NEDD4L: variants seen among roughly 807,000 people sequenced by gnomAD.
NEDD4L encodes NEDD4 like E3 ubiquitin protein ligase, also known as E3 ubiquitin-protein ligase NEDD4-like.
A neutral mutation model predicts 148.9 loss-of-function variants in NEDD4L; 54 were observed. The observed-to-expected ratio is 0.36, with a 90% CI of 0.29 to 0.45. The LOEUF is 0.45. Ranked by LOEUF, NEDD4L falls within the 20% of genes least tolerant of loss-of-function variation. The pLI, the probability that NEDD4L is intolerant of heterozygous loss-of-function variation, is 1.00. For missense variants in NEDD4L, 856 were observed against 1,233.8 expected, an observed-to-expected ratio of 0.69 and a Z score of 4.59; for synonymous variants, 433 against 440.7, an observed-to-expected ratio of 0.98 and a Z score of 0.22.
intron 1 of NEDD4L, among the ~76,000 whole-genome samples, chr18:58,084,036 C>CT (rs34001228): frequency 6.6e-6 from 1 of 151,878 alleles, no homozygotes; most frequent in South Asian, 2.1e-4. Context: ...CGGCCCAAAG[C>CT]TTTTTTTTAA....
intron 1 of NEDD4L, chr18:58,149,542 C>G: frequency 6.4e-7 from 1 of 1,550,514 alleles, no homozygotes; most frequent in Non-Finnish European, 8.7e-7. Flanking sequence ...CTAAATGAGA[C>G]GTCTCGCATT....
At chr18:58,221,135 GTGT>G (rs1174369146) in intron 2 of NEDD4L, among the ~76,000 whole-genome samples, 5 of 152,172 alleles carry the variant, frequency 3.3e-5, no homozygotes, top group African/African-American at 1.2e-4. Flanking sequence ...CCAGGAAGTT[GTGT>G]TCCCATCTGC....
At chr18:58,286,767 T>C (rs964086833) in intron 5 of NEDD4L, among the ~76,000 whole-genome samples, 1 of 152,218 alleles carries the variant, frequency 6.6e-6, no homozygotes, top group African/African-American at 2.4e-5. Context: ...TAATTGAATA[T>C]TAAACACCAG....
intron 1 of NEDD4L, among the ~76,000 whole-genome samples, chr18:58,126,760 C>G (rs547811286): frequency 6.6e-6 from 1 of 152,340 alleles, no homozygotes; most frequent in African/African-American, 2.4e-5. Context: ...CATATCCTCC[C>G]CAGCAGTCGG....
At chr18:58,288,125 T>G (rs1289858659) in intron 5 of NEDD4L, among the ~76,000 whole-genome samples, 1 of 152,194 alleles carries the variant, frequency 6.6e-6, no homozygotes, top group African/African-American at 2.4e-5. Context: ...CAGAAAAATT[T>G]GATAGCAGGC....
At chr18:58,203,509 G>A (rs758251730) in intron 2 of NEDD4L, among the ~76,000 whole-genome samples, 4 of 152,152 alleles carry the variant, frequency 2.6e-5, no homozygotes, top group African/African-American at 7.2e-5. Flanking sequence ...AGTGATGAGA[G>A]CTAGTACACT....
chr18:58,360,790 G>A (rs2045370547), intron 19 of NEDD4L, among the ~76,000 whole-genome samples: 2 of 151,854 alleles, frequency 1.3e-5, no homozygotes, highest in Admixed American at 1.3e-4. Context: ...ATGCAAGAGG[G>A]AGAGAGAGAG....
chr18:58,089,470 G>A (rs1480595823), intron 1 of NEDD4L, among the ~76,000 whole-genome samples: 1 of 152,082 alleles, frequency 6.6e-6, no homozygotes, highest in Non-Finnish European at 1.5e-5. Context: ...AGAAAGAATT[G>A]GCTGGGGCAC....
chr18:58,169,672 C>T (rs776032847), intron 2 of NEDD4L, among the ~76,000 whole-genome samples: 4 of 152,252 alleles, frequency 2.6e-5, no homozygotes, highest in African/African-American at 9.6e-5. Flanking sequence ...CCACGTGGGG[C>T]GGCCACAGCT....
chr18:58,098,996 G>A (rs1487597611), intron 1 of NEDD4L, among the ~76,000 whole-genome samples: 4 of 152,152 alleles, frequency 2.6e-5, no homozygotes, highest in Non-Finnish European at 4.4e-5. Flanking sequence ...GTCATGACGA[G>A]TTTTACTTGC....
At chr18:58,150,278 A>G (rs922508086) in intron 1 of NEDD4L, among the ~76,000 whole-genome samples, 15 of 152,204 alleles carry the variant, frequency 9.9e-5, no homozygotes, top group Non-Finnish European at 4.4e-5. Flanking sequence ...CTTGTTGCCT[A>G]GGCTGGAGTG....
intron 1 of NEDD4L, among the ~76,000 whole-genome samples, chr18:58,123,533 G>T (rs2030396311): frequency 6.6e-6 from 1 of 152,048 alleles, no homozygotes; most frequent in Admixed American, 6.6e-5. Flanking sequence ...CCCCGCCCCG[G>T]TTGGACACCC....
intron 2 of NEDD4L, chr18:58,227,888 T>A (rs2044563888): frequency 1.0e-6 from 1 of 979,618 alleles, no homozygotes; most frequent in Admixed American, 6.2e-5. Context: ...AATAACCAAG[T>A]GTGAGTCTGA....
At chr18:58,098,793 C>T (rs1431872552) in intron 1 of NEDD4L, among the ~76,000 whole-genome samples, 1 of 152,178 alleles carries the variant, frequency 6.6e-6, no homozygotes, top group Admixed American at 6.5e-5. Flanking sequence ...AGTGGTGGCT[C>T]ACAGTCATCA....
chr18:58,135,606 A>C (rs1424163345), intron 1 of NEDD4L, among the ~76,000 whole-genome samples: 2 of 152,248 alleles, frequency 1.3e-5, no homozygotes, highest in Non-Finnish European at 2.9e-5. Context: ...CAGTCTGCAG[A>C]AACTAACCTT....
At chr18:58,342,676 T>G (rs553148614) in intron 15 of NEDD4L, among the ~76,000 whole-genome samples, 31 of 152,358 alleles carry the variant, frequency 2.0e-4, no homozygotes, top group African/African-American at 6.5e-4. Context: ...ACATACTGAG[T>G]AGCTACCAAA....
chr18:58,105,641 A>T (rs2085025689), intron 1 of NEDD4L, among the ~76,000 whole-genome samples: 1 of 151,970 alleles, frequency 6.6e-6, no homozygotes, highest in South Asian at 2.1e-4. Flanking sequence ...TCTCTTATTT[A>T]TATTGTGAAA....
At position 58,214,173 on chromosome 18, in the gene NEDD4L, C is replaced by G. The variant is rs977110842; in HGVS notation, c.123-31254C>G. Among the ~76,000 whole-genome samples, 4 of 152,290 alleles carry G rather than the reference C, an allele frequency of 2.6e-5. No individual in the cohort carries two copies. The South Asian group carries it at 8.3e-4, about 32-fold the overall frequency. On this transcript the variant is annotated intron_variant, in intron 2 of 30. Transcript: ENST00000400345. ...TCCTGATAAATCACCTGATCGCTGC[C>G]CCAGGGTTAGTCACTCTAGCCCCCT...
intron 16 of NEDD4L, among the ~76,000 whole-genome samples, chr18:58,343,768 G>A (rs12958178): frequency 0.077 from 11,656 of 152,250 alleles, 582 homozygotes; most frequent in Non-Finnish European, 0.11. Flanking sequence ...TTAATCAAAG[G>A]CAAATATGCA....
Sources: allele counts gnomAD v4.1 joint callset (sites outside exome capture counted in the v4.1 genomes callset), GRCh38; gene constraint gnomAD v4.1.1; transcripts MANE v1.5; gene names NCBI Gene and HGNC (gene_info 2026-07-23, HGNC 2026-07-21).